The following ACOXL variants were observed in gnomAD, a reference collection of about 807,000 sequenced individuals.
The protein encoded by ACOXL is acyl-coenzyme A oxidase-like protein.
ACOXL carries 70 observed loss-of-function variants against 71.9 expected under a neutral mutation model. The observed-to-expected ratio is 0.97, with a 90% CI of 0.80 to 1.19. ACOXL has a LOEUF of 1.19. Ranked by LOEUF, ACOXL falls within the 50% of genes most tolerant of loss-of-function variation. The probability of loss-of-function intolerance (pLI) is 0.00; values close to 1 mark genes in which losing one functional copy is unlikely to be tolerated. For missense variants in ACOXL, 703 were observed against 736.3 expected (o/e 0.95, Z 0.52); for synonymous variants, 253 against 281.6 (o/e 0.90, Z 1.02).
intron 9 of ACOXL, among the ~76,000 whole-genome samples, chr2:110,830,697 C>T (rs1689722448): frequency 6.6e-6 from 1 of 152,070 alleles, no homozygotes; most frequent in Non-Finnish European, 1.5e-5. Context: ...CCACGCCTGG[C>T]TAAATTTTTG....
intron 10 of ACOXL, among the ~76,000 whole-genome samples, chr2:110,867,996 C>A (rs1694821882): frequency 6.6e-6 from 1 of 152,136 alleles, no homozygotes; most frequent in South Asian, 2.1e-4. Context: ...CTCCTGACCT[C>A]GTGATCCACC....
At chr2:110,986,027 T>G (rs1411323597) in intron 12 of ACOXL, among the ~76,000 whole-genome samples, 1 of 152,240 alleles carries the variant, frequency 6.6e-6, no homozygotes, top group Non-Finnish European at 1.5e-5. Flanking sequence ...GACTATGCTA[T>G]TTGTCTGCTT....
At chr2:110,853,755 C>T (rs554584973) in intron 10 of ACOXL, among the ~76,000 whole-genome samples, 2 of 152,250 alleles carry the variant, frequency 1.3e-5, no homozygotes, top group Middle Eastern at 6.8e-3. Flanking sequence ...GGTTTACAGG[C>T]ATGGGGGAAG....
At chr2:111,087,347 C>T (rs1465320140) in intron 16 of ACOXL, among the ~76,000 whole-genome samples, 1 of 152,134 alleles carries the variant, frequency 6.6e-6, no homozygotes, top group Non-Finnish European at 1.5e-5. Flanking sequence ...ATAGCCAAGG[C>T]AATCCTAAGC....
intron 17 of ACOXL, among the ~76,000 whole-genome samples, chr2:111,111,471 GTTT>G (rs2069954286): frequency 6.6e-6 from 1 of 152,128 alleles, no homozygotes; most frequent in African/African-American, 2.4e-5. Flanking sequence ...ATTCTTTCTT[GTTT>G]CATGTAAATG....
rs547005789 is a variant in ACOXL at position 110,734,275 on chromosome 2, AT to A, written c.-23+1513del. Reference sequence around the variant, plus strand: ...ATAAAAGCTCTTTGGGGACCTCATAATTTTTTTTTTTTGAGACGGAGTCTGA... The same window carrying A: ...ATAAAAGCTCTTTGGGGACCTCATAATTTTTTTTTTTGAGACGGAGTCTGA... On this transcript the variant is annotated intron_variant, in intron 1 of 17. Coordinates refer to ENST00000439055, the MANE Select transcript of ACOXL (RefSeq NM_001142807.4). Among the ~76,000 whole-genome samples the A allele has an allele frequency of 8.6e-4, 126 of 147,086 alleles. No individual in the cohort carries two copies. The South Asian group carries it at 0.014, about 17-fold the overall frequency.
At chr2:110,926,508 AC>A (rs1276023507) in intron 11 of ACOXL, among the ~76,000 whole-genome samples, 11 of 152,162 alleles carry the variant, frequency 7.2e-5, no homozygotes, top group Non-Finnish European at 1.3e-4. Flanking sequence ...TAATTGTATA[AC>A]ATCGAGAAGG....
chr2:110,859,201 A>C (rs1489129713), intron 10 of ACOXL, among the ~76,000 whole-genome samples: 1 of 152,242 alleles, frequency 6.6e-6, no homozygotes, highest in Middle Eastern at 3.2e-3. Flanking sequence ...AAAGAGAAAG[A>C]GAATGGACTG....
intron 10 of ACOXL, among the ~76,000 whole-genome samples, chr2:110,881,890 G>GTT (rs1163759780): frequency 7.7e-6 from 1 of 130,588 alleles, no homozygotes; most frequent in East Asian, 2.2e-4. Context: ...AGGGACATTG[G>GTT]GTTTTTTTTT....
intron 9 of ACOXL, among the ~76,000 whole-genome samples, chr2:110,836,649 A>G (rs1690505606): frequency 6.6e-6 from 1 of 152,248 alleles, no homozygotes; most frequent in African/African-American, 2.4e-5. Context: ...AAAAGGGGAC[A>G]GGAACAGTAA....
At chr2:110,877,869 G>A (rs748983416) in intron 10 of ACOXL, among the ~76,000 whole-genome samples, 7 of 152,214 alleles carry the variant, frequency 4.6e-5, no homozygotes, top group African/African-American at 7.2e-5. Context: ...GCCATGATGC[G>A]TTGCATCTGG....
intron 1 of ACOXL, among the ~76,000 whole-genome samples, chr2:110,760,913 TTTAAGGGGTAGGAAAATAGACCCTGCCTC>T (rs1680320531): frequency 6.6e-6 from 1 of 152,176 alleles, no homozygotes; most frequent in Non-Finnish European, 1.5e-5. Context: ...TAGGTCCAGA[TTTAAGGGGTAGGAAAATAGACCCTGCCTC>T]TTAAATGAGA....
intron 10 of ACOXL, among the ~76,000 whole-genome samples, chr2:110,857,870 C>T (rs939778050): frequency 3.3e-5 from 5 of 151,980 alleles, no homozygotes; most frequent in African/African-American, 1.2e-4. Context: ...GAAGCATAGG[C>T]GTGTACCACC....
chr2:110,893,249 A>G (rs2058864298), intron 10 of ACOXL, among the ~76,000 whole-genome samples: 1 of 152,202 alleles, frequency 6.6e-6, no homozygotes, highest in South Asian at 2.1e-4. Context: ...ATATATAAAG[A>G]GCTTCTATAA....
At chr2:110,883,478 TC>T (rs1378895644) in intron 10 of ACOXL, among the ~76,000 whole-genome samples, 1 of 152,234 alleles carries the variant, frequency 6.6e-6, no homozygotes, top group African/African-American at 2.4e-5. Context: ...CATAGGATAG[TC>T]CTGGTTTGCT....
chr2:110,793,756 A>G lies in ACOXL; in HGVS notation c.246+20A>G. On this transcript the variant is annotated intron_variant, in intron 4 of 17. Transcript: ENST00000439055. Reference sequence around the variant, plus strand: ...CTCCAGGTATGGTATTTTCCTCAACATTGGTCTTCTATGGAGAGCCTTAAA... The same window carrying G: ...CTCCAGGTATGGTATTTTCCTCAACGTTGGTCTTCTATGGAGAGCCTTAAA... 6.3e-7 allele frequency: 1 copy of G among 1,597,930 alleles called. No homozygotes were observed. Among genetic ancestry groups the G allele is most frequent in the Non-Finnish European group, 8.6e-7 (1 of 1,165,362 alleles).
At chr2:110,890,889 G>A (rs1697852594) in intron 10 of ACOXL, among the ~76,000 whole-genome samples, 1 of 152,018 alleles carries the variant, frequency 6.6e-6, no homozygotes, top group Admixed American at 6.5e-5. Context: ...TGAACTTGCA[G>A]CTCAGTTTGG....
chr2:110,959,285 T>C (rs1178959730), intron 12 of ACOXL, among the ~76,000 whole-genome samples: 3 of 152,154 alleles, frequency 2.0e-5, no homozygotes, highest in Non-Finnish European at 4.4e-5. Flanking sequence ...CTGTCGGCTC[T>C]TGGCCCAGCT....
rs947511948 is a variant in ACOXL at position 111,117,729 on chromosome 2, C to G, written c.1656C>G (p.Ala552=). 1 of 1,551,612 alleles carries G rather than the reference C, an allele frequency of 6.4e-7. No individual in the cohort carries two copies. The highest frequency in any genetic ancestry group is 8.7e-7 in the Non-Finnish European group (1 of 1,147,022). Residue 552 remains alanine (A), a synonymous_variant, in exon 18 of 18, where the codon GCC becomes GCG. Transcript: ENST00000439055. ...TCGCCGGAATCTCCAACCCGCGGGC[C>G]GCGTGGGCTTTCTACCCTGCACCGC... The part of the protein sequence containing the change: ...APIAGISNPR[A]AWAFYPAPLQ...
Sources: allele counts gnomAD v4.1 joint callset (sites outside exome capture counted in the v4.1 genomes callset), GRCh38; gene constraint gnomAD v4.1.1; transcripts MANE v1.5; gene names NCBI Gene and HGNC (gene_info 2026-07-23, HGNC 2026-07-21).